Variants in CYFIP1 observed in about 807,000 individuals in gnomAD.
The protein encoded by CYFIP1 is cytoplasmic FMR1-interacting protein 1.
A neutral mutation model predicts 163.5 loss-of-function variants in CYFIP1; 58 were observed. The observed-to-expected ratio is 0.35, with a 90% CI of 0.29 to 0.44. The LOEUF is 0.44. Ranked by LOEUF, CYFIP1 falls within the 20% of genes least tolerant of loss-of-function variation. CYFIP1 has a pLI of 1.00. For missense variants in CYFIP1, 1,338 were observed against 1,653.8 expected (o/e 0.81, Z 3.31); for synonymous variants, 663 against 660.7 (o/e 1.00, Z -0.05).
chr15:22,979,273 C>A (rs1452452825), intron 1 of CYFIP1, among the ~76,000 whole-genome samples: 1 of 152,142 alleles, frequency 6.6e-6, no homozygotes, highest in African/African-American at 2.4e-5. Flanking sequence ...AGGCAGCATG[C>A]GTGGGGCCCC....
At chr15:22,890,244 G>A (rs2060037459) in intron 23 of CYFIP1, among the ~76,000 whole-genome samples, 1 of 151,630 alleles carries the variant, frequency 6.6e-6, no homozygotes, top group African/African-American at 2.4e-5. Flanking sequence ...CCCAGGAGGT[G>A]GAGGTTGCAG....
intron 1 of CYFIP1, among the ~76,000 whole-genome samples, chr15:22,947,560 A>G (rs1197849314): frequency 6.6e-6 from 1 of 151,962 alleles, no homozygotes; most frequent in Non-Finnish European, 1.5e-5. Flanking sequence ...TATGGGGCAC[A>G]TGGTTCCTGC....
chr15:22,879,862 T>A (rs879483085), intron 26 of CYFIP1, 51 bp downstream of exon 26: 1 of 989,362 alleles, frequency 1.0e-6, no homozygotes, highest in Admixed American at 3.6e-5. Flanking sequence ...GCCGGTGGGG[T>A]GGGGTGGGGT....
intron 22 of CYFIP1, among the ~76,000 whole-genome samples, chr15:22,894,572 G>A (rs923744630): frequency 2.0e-5 from 3 of 151,440 alleles, no homozygotes; most frequent in East Asian, 1.9e-4. Flanking sequence ...TTACAGGCAT[G>A]AGCCACCACG....
intron 1 of CYFIP1, among the ~76,000 whole-genome samples, chr15:22,949,773 C>A (rs1418154316): frequency 6.6e-6 from 1 of 151,688 alleles, no homozygotes; most frequent in African/African-American, 2.4e-5. Flanking sequence ...TAGTAAAAAG[C>A]AGACTTTTCA....
chr15:22,916,525 T>C lies in CYFIP1; in HGVS notation c.1780A>G (p.Lys594Glu). The stretch of plus-strand genomic sequence containing the variant: ...TAGAAGAATGACTCTCGATGAAATT[T>C]TTCTATGTCCAATATGGTGGGCCCC... ...LEGPTILDIE[K>E]FHRESFFYTH... Residue 594 changes from lysine to glutamate, a missense_variant, in exon 16 of 31, where the codon AAA becomes GAA. This residue lies in a region of CYFIP1 where 824 missense variants were observed against 995.7 expected (regional missense o/e 0.83). Transcript: ENST00000617928. 6.2e-7 allele frequency: 1 copy of C among 1,613,938 alleles called. No homozygotes were observed. Among genetic ancestry groups the C allele is most frequent in the South Asian group, 1.1e-5 (1 of 91,068 alleles).
chr15:22,869,701 G>T lies in CYFIP1; in HGVS notation c.*327C>A. 1 of 194,416 alleles carries T rather than the reference G, an allele frequency of 5.1e-6. No individual in the cohort carries two copies. Among genetic ancestry groups the T allele is most frequent in the Non-Finnish European group, 1.0e-5 (1 of 96,704 alleles). The allele number at this position is 194,416 out of a possible 1,614,324, so 12.0% of individuals were successfully genotyped here. A position where few individuals can be genotyped will look rare whatever the true frequency, so the allele number is the denominator to read the frequency against. On this transcript the variant is annotated 3_prime_UTR_variant, in exon 31 of 31. Transcript: ENST00000617928. ...AACTGGCAAGGGATTTAATGCATTT[G>T]CTGGTATTAAGTTTCTTATGGAATG...
chr15:22,980,048 T>C (rs2063423508), intron 1 of CYFIP1, among the ~76,000 whole-genome samples: 1 of 151,190 alleles, frequency 6.6e-6, no homozygotes. Context: ...GGGAAGCCAG[T>C]GCAGGGAGTG....
chr15:22,894,289 T>C lies in CYFIP1; in HGVS notation c.2589-1312A>G, dbSNP rs573797837. 1.2e-3 allele frequency among the ~76,000 whole-genome samples: 170 copies of C among 142,064 alleles called. 2 individuals carry two copies. The highest frequency in any genetic ancestry group is 4.1e-3 in the African/African-American group (158 of 38,270). The allele number at this position is 142,064 out of a possible 152,430, so 93.2% of individuals were successfully genotyped here. The stretch of plus-strand genomic sequence containing the variant: ...TACAGCAGACTTTTCTTTTTTTTTT[T>C]TTTTTTTTTTTTTTTCTGAGATGGA... On this transcript the variant is annotated intron_variant, in intron 22 of 30. Coordinates refer to ENST00000617928, the MANE Select transcript of CYFIP1 (RefSeq NM_014608.6).
At chr15:22,894,284 T>C (rs1014966857) in intron 22 of CYFIP1, among the ~76,000 whole-genome samples, 47 of 138,612 alleles carry the variant, frequency 3.4e-4, no homozygotes, top group African/African-American at 9.3e-4. Context: ...TTTTCTTTTT[T>C]TTTTTTTTTT....
At chr15:22,908,616 C>T (rs1187567005) in intron 21 of CYFIP1, among the ~76,000 whole-genome samples, 2 of 144,030 alleles carry the variant, frequency 1.4e-5, no homozygotes, top group Non-Finnish European at 3.0e-5. Context: ...TGCAACCCTG[C>T]CTCCTGGATT....
At chr15:22,900,974 G>A (rs376099434) in intron 22 of CYFIP1, among the ~76,000 whole-genome samples, 169 of 151,906 alleles carry the variant, frequency 1.1e-3, no homozygotes, top group Admixed American at 2.4e-3. Flanking sequence ...TAGCCGAGGC[G>A]GGCAGATCAT....
rs560524362 is a variant in CYFIP1, at chr15:22,868,688, T to A, written c.*1340A>T. 5 of 152,342 alleles carry A rather than the reference T, an allele frequency of 3.3e-5. No homozygotes were observed. In the East Asian group the frequency reaches 7.7e-4, roughly 23 times the overall value. 9.4% of individuals were successfully genotyped at this position (152,342 alleles called of 1,614,324 possible). A position where few individuals can be genotyped will look rare whatever the true frequency, so the allele number is the denominator to read the frequency against. ...CAGGATGGTTCGTACACTTACTACT[T>A]TTCTGTGCCGTGCATCATATGCTTC... On this transcript the variant is annotated 3_prime_UTR_variant, in exon 31 of 31. Coordinates refer to ENST00000617928, the MANE Select transcript of CYFIP1 (RefSeq NM_014608.6).
At position 22,912,445 on chromosome 15, in the gene CYFIP1, G is replaced by A. The variant is rs2060820037; in HGVS notation, c.1986-170C>T. On this transcript the variant is annotated intron_variant, in intron 17 of 30. Transcript: ENST00000617928. The stretch of plus-strand genomic sequence containing the variant: ...GTGAAAGCACGTGGTGGCTGCGCCT[G>A]AGGCGGCCGCCACACCCACCAGGCT... 3.8e-6 allele frequency: 2 copies of A among 530,972 alleles called. 1 individual carries two copies. The highest frequency in any genetic ancestry group is 7.6e-5 in the Admixed American group (2 of 26,306). The allele number at this position is 530,972 out of a possible 1,614,324, so 32.9% of individuals were successfully genotyped here.
intron 18 of CYFIP1, 123 bp downstream of exon 18, chr15:22,912,056 T>A: frequency 1.2e-6 from 1 of 860,034 alleles, no homozygotes; most frequent in East Asian, 2.7e-5. Context: ...TGCTCCCACA[T>A]GCTTGCTTCG....
chr15:22,912,707 G>C (rs543513644), intron 17 of CYFIP1, among the ~76,000 whole-genome samples: 1 of 152,256 alleles, frequency 6.6e-6, no homozygotes, highest in Non-Finnish European at 1.5e-5. Context: ...TCACTTGATT[G>C]AGGTGAGGAG....
At chr15:22,878,142 G>C (rs760402239) in intron 26 of CYFIP1, among the ~76,000 whole-genome samples, 5 of 152,192 alleles carry the variant, frequency 3.3e-5, no homozygotes, top group Admixed American at 6.5e-5. Context: ...TGGAGACGAA[G>C]TGCCATTCCC....
chr15:22,867,963 C>G lies in CYFIP1; in HGVS notation c.*2065G>C, dbSNP rs965896289. On this transcript the variant is annotated 3_prime_UTR_variant, in exon 31 of 31. Transcript: ENST00000617928. ...GAACCTATCCACTCATAACCATTGA[C>G]TGGCCTTTAAAAAAAAGTATTGGCA... 6.6e-6 allele frequency: 1 copy of G among 152,230 alleles called. No homozygotes were observed. The highest frequency in any genetic ancestry group is 1.5e-5 in the Non-Finnish European group (1 of 68,036). 9.4% of individuals were successfully genotyped at this position (152,230 alleles called of 1,614,324 possible).
upstream of CYFIP1, among the ~76,000 whole-genome samples, chr15:22,980,594 C>G (rs28364575): frequency 6.4e-3 from 979 of 152,176 alleles, 32 homozygotes; most frequent in South Asian, 0.081. Context: ...CCGCAGCCTG[C>G]GCGGGACGGC....
Sources: gnomAD v4.1 joint callset for allele counts (sites outside exome capture counted in the v4.1 genomes callset) on GRCh38, gnomAD v4.1.1 for gene constraint, gnomAD v4.1.1 regional missense constraint, MANE v1.5 for transcripts, NCBI Gene and HGNC (gene_info 2026-07-23, HGNC 2026-07-21) for gene names.